GRM1: variants seen among roughly 807,000 people sequenced by gnomAD.
The protein encoded by GRM1 is metabotropic glutamate receptor 1.
In GRM1, 33 loss-of-function variants were observed where a neutral mutation model predicts 90.9. The ratio of observed to expected loss-of-function variants is 0.36; its 90% CI spans 0.28 to 0.49. The LOEUF (loss-of-function observed/expected upper bound fraction) is 0.49. GRM1 is among the 20% of genes least tolerant of loss of function. The pLI is 0.99. For synonymous variants in GRM1, 700 were observed against 613.2 expected (o/e 1.14, Z -2.09); for missense variants, 1,190 against 1,534.3 (o/e 0.78, Z 3.75).
chr6:146,233,689 A>C (rs1477811208), intron 2 of GRM1, among the ~76,000 whole-genome samples: 6 of 152,060 alleles, frequency 3.9e-5, no homozygotes, highest in Non-Finnish European at 8.8e-5. Flanking sequence ...CAATTTTTAA[A>C]AATGTGTTAG....
chr6:146,131,040 T>C (rs1004320394), intron 1 of GRM1, among the ~76,000 whole-genome samples: 6 of 152,188 alleles, frequency 3.9e-5, no homozygotes, highest in African/African-American at 1.2e-4. Context: ...GGCCTACCTC[T>C]TCTCCCTGGA....
chr6:146,404,974 G>A lies in GRM1; in HGVS notation c.2660+5275G>A, dbSNP rs970821878. Among the ~76,000 whole-genome samples the A allele has an allele frequency of 3.8e-4, 58 of 152,140 alleles. 1 individual carries two copies. The highest frequency in any genetic ancestry group is 1.6e-4 in the Non-Finnish European group (11 of 68,010). The stretch of plus-strand genomic sequence containing the variant: ...ACATGCATATGAAAAAGTTTTCTGA[G>A]CTTAATTCACTAGACTTGAAATACC... On this transcript the variant is annotated intron_variant, in intron 7 of 7. Transcript: ENST00000282753.
At chr6:146,065,647 C>T (rs910161181) in intron 1 of GRM1, among the ~76,000 whole-genome samples, 3 of 151,998 alleles carry the variant, frequency 2.0e-5, no homozygotes, top group African/African-American at 7.2e-5. Context: ...TGTTCAGCCC[C>T]GTAAACAAGG....
intron 1 of GRM1, among the ~76,000 whole-genome samples, chr6:146,075,705 G>A (rs929063310): frequency 1.3e-5 from 2 of 152,200 alleles, no homozygotes; most frequent in African/African-American, 4.8e-5. Flanking sequence ...GCAGGGCCAT[G>A]ACTCCTCTGA....
chr6:146,203,826 C>G (rs534464479), intron 2 of GRM1, among the ~76,000 whole-genome samples: 1 of 152,306 alleles, frequency 6.6e-6, no homozygotes, highest in South Asian at 2.1e-4. Context: ...TTATGAAAAA[C>G]TTTATCTCTC....
chr6:146,028,173 A>G (rs1271122462), upstream of GRM1, among the ~76,000 whole-genome samples: 1 of 151,662 alleles, frequency 6.6e-6, no homozygotes, highest in Admixed American at 6.6e-5. Flanking sequence ...ATACCTGCAC[A>G]AGCGGTGCAA....
intron 1 of GRM1, among the ~76,000 whole-genome samples, chr6:146,038,531 C>T (rs1235819974): frequency 6.6e-6 from 1 of 151,972 alleles, no homozygotes; most frequent in African/African-American, 2.4e-5. Flanking sequence ...GGAAGATGCC[C>T]TTAGCTTAGA....
At chr6:146,239,835 T>G (rs140090631) in intron 2 of GRM1, among the ~76,000 whole-genome samples, 2 of 152,018 alleles carry the variant, frequency 1.3e-5, no homozygotes, top group African/African-American at 4.8e-5. Context: ...TTTTTTAAAG[T>G]TCCCCCCGGA....
At chr6:146,337,710 T>A (rs1218007537) in intron 3 of GRM1, among the ~76,000 whole-genome samples, 1 of 152,200 alleles carries the variant, frequency 6.6e-6, no homozygotes, top group Non-Finnish European at 1.5e-5. Context: ...AAATTTTGTG[T>A]TTATTTACAG....
intron 2 of GRM1, among the ~76,000 whole-genome samples, chr6:146,286,856 T>C (rs571529049): frequency 1.8e-4 from 28 of 152,318 alleles, no homozygotes; most frequent in Admixed American, 7.8e-4. Flanking sequence ...CTTGTATAGA[T>C]TTTTATGAAA....
rs530002774 is a variant in GRM1 at position 146,341,169 on chromosome 6, G to A, written c.1187-11081G>A. On this transcript the variant is annotated intron_variant, in intron 3 of 7. Transcript: ENST00000282753. Reference sequence around the variant, plus strand: ...TTATGTTGAGTTAAAGGTATCCATTGCTCATTCCTTCAATCTAGCCTTGGT... The same window carrying A: ...TTATGTTGAGTTAAAGGTATCCATTACTCATTCCTTCAATCTAGCCTTGGT... Among the ~76,000 whole-genome samples, 272 of 152,196 alleles carry A rather than the reference G, an allele frequency of 1.8e-3. 2 individuals carry two copies. Among genetic ancestry groups the A allele is most frequent in the African/African-American group, 6.0e-3 (248 of 41,536 alleles).
At chr6:146,082,248 C>T (rs990322223) in intron 1 of GRM1, among the ~76,000 whole-genome samples, 9 of 152,094 alleles carry the variant, frequency 5.9e-5, no homozygotes, top group Admixed American at 2.6e-4. Context: ...CTCCGCCTCC[C>T]GGGTTCAAGC....
At chr6:146,062,191 C>T (rs779767443) in intron 1 of GRM1, among the ~76,000 whole-genome samples, 34 of 152,122 alleles carry the variant, frequency 2.2e-4, no homozygotes, top group African/African-American at 4.8e-4. Context: ...ATGTCCTTTG[C>T]GGGGACTTGG....
At chr6:146,111,473 G>GATTTTAAAAATA (rs535291880) in intron 1 of GRM1, among the ~76,000 whole-genome samples, 3,177 of 152,318 alleles carry the variant, frequency 0.021, 48 homozygotes, top group Admixed American at 0.031. Context: ...AATATTAAAT[G>GATTTTAAAAATA]ATTTTAAAAA....
At chr6:146,115,640 G>A (rs1004429113) in intron 1 of GRM1, among the ~76,000 whole-genome samples, 1 of 151,938 alleles carries the variant, frequency 6.6e-6, no homozygotes, top group Non-Finnish European at 1.5e-5. Context: ...CATTCATATA[G>A]GTCTGGCATA....
At chr6:146,193,912 G>A (rs1440708978) in intron 2 of GRM1, among the ~76,000 whole-genome samples, 2 of 151,726 alleles carry the variant, frequency 1.3e-5, no homozygotes, top group Non-Finnish European at 2.9e-5. Context: ...CTAGGTCTTA[G>A]GACATGGACA....
rs539333861 is a variant in GRM1 at position 146,162,409 on chromosome 6, G to A, written c.950+2812G>A. ...TTCACATGCAATGTGTCTGGAACTC[G>A]TCTTGACACTACCATCAAAACATAT... is the stretch of plus-strand genomic sequence containing the variant. On this transcript the variant is annotated intron_variant, in intron 2 of 7. Coordinates refer to ENST00000282753, the MANE Select transcript of GRM1 (RefSeq NM_001278064.2). 5.9e-5 allele frequency among the ~76,000 whole-genome samples: 9 copies of A among 152,248 alleles called. No individual in the cohort carries two copies. The East Asian group carries it at 9.7e-4, about 16-fold the overall frequency.
At chr6:146,222,564 C>A (rs1780103262) in intron 2 of GRM1, among the ~76,000 whole-genome samples, 1 of 151,694 alleles carries the variant, frequency 6.6e-6, no homozygotes, top group Admixed American at 6.6e-5. Context: ...AAAGGAGAGA[C>A]AGAGAGAGAG....
intron 1 of GRM1, among the ~76,000 whole-genome samples, chr6:146,101,828 C>G (rs1005405239): frequency 2.7e-5 from 4 of 148,216 alleles, no homozygotes; most frequent in African/African-American, 9.8e-5. Context: ...TATATTATTA[C>G]TGTAATATAT....
Sources: gnomAD v4.1 joint callset for allele counts (sites outside exome capture counted in the v4.1 genomes callset) on GRCh38, gnomAD v4.1.1 for gene constraint, MANE v1.5 for transcripts, NCBI Gene and HGNC (gene_info 2026-07-23, HGNC 2026-07-21) for gene names.